Variants in FARP1 observed in about 807,000 individuals in gnomAD.
FARP1 encodes the protein FERM, ARH/RhoGEF and pleckstrin domain protein 1.
FARP1 carries 52 observed loss-of-function variants against 128.8 expected under a neutral mutation model. The ratio of observed to expected loss-of-function variants is 0.40; its 90% CI spans 0.32 to 0.51. The LOEUF (loss-of-function observed/expected upper bound fraction) is 0.51. Among genes scored for constraint, FARP1 ranks in the 20% least tolerant of loss-of-function variants. The pLI, the probability that FARP1 is intolerant of heterozygous loss-of-function variation, is 0.45. For synonymous variants in FARP1, 580 were observed against 551.8 expected, an observed-to-expected ratio of 1.05 and a Z score of -0.72; for missense variants, 1,333 against 1,367.9, an observed-to-expected ratio of 0.97 and a Z score of 0.40.
At chr13:98,157,315 CT>C (rs973091162) in intron 1 of FARP1, among the ~76,000 whole-genome samples, 10 of 152,158 alleles carry the variant, frequency 6.6e-5, no homozygotes, top group African/African-American at 2.2e-4. Context: ...CCTCTTCCCC[CT>C]GATCAGTCCC....
intron 1 of FARP1, among the ~76,000 whole-genome samples, chr13:98,153,241 TGAA>T (rs377389914): frequency 2.3e-3 from 325 of 142,840 alleles, no homozygotes; most frequent in African/African-American, 7.9e-3. Context: ...AGTGAATCTG[TGAA>T]GAAAAGTTAA....
intron 1 of FARP1, among the ~76,000 whole-genome samples, chr13:98,143,913 C>A (rs1324181360): frequency 6.6e-6 from 1 of 151,794 alleles, no homozygotes; most frequent in Non-Finnish European, 1.5e-5. Context: ...GGTTGCGGGC[C>A]GGGGAGGTGG....
chr13:98,320,979 G>A (rs1886968566), intron 2 of FARP1, among the ~76,000 whole-genome samples: 1 of 152,266 alleles, frequency 6.6e-6, no homozygotes, highest in Middle Eastern at 3.4e-3. Flanking sequence ...GGTGACCCTC[G>A]CAGGTGCCTT....
At chr13:98,344,495 C>T (rs1383662163) in intron 3 of FARP1, among the ~76,000 whole-genome samples, 1 of 152,096 alleles carries the variant, frequency 6.6e-6, no homozygotes, top group Admixed American at 6.5e-5. Flanking sequence ...CTTGAGGAGG[C>T]AGGGGCATCC....
At chr13:98,260,852 G>T (rs1242515854) in intron 2 of FARP1, among the ~76,000 whole-genome samples, 1 of 152,224 alleles carries the variant, frequency 6.6e-6, no homozygotes, top group Non-Finnish European at 1.5e-5. Context: ...TCAGGCCACA[G>T]ATAGGATACA....
At chr13:98,240,757 T>C (rs1236312941) in intron 2 of FARP1, among the ~76,000 whole-genome samples, 1 of 151,870 alleles carries the variant, frequency 6.6e-6, no homozygotes, top group African/African-American at 2.4e-5. Flanking sequence ...CCTGAGAGAG[T>C]GGGTTGGTTT....
At chr13:98,335,148 T>A (rs1887688359) in intron 2 of FARP1, among the ~76,000 whole-genome samples, 1 of 152,230 alleles carries the variant, frequency 6.6e-6, no homozygotes, top group Non-Finnish European at 1.5e-5. Flanking sequence ...TGCTAGTTCC[T>A]CTAACATGCC....
intron 2 of FARP1, among the ~76,000 whole-genome samples, chr13:98,319,500 G>T (rs1232739979): frequency 6.6e-6 from 1 of 152,092 alleles, no homozygotes. Flanking sequence ...GGCACCTGTA[G>T]TCCCAGCTAC....
intron 2 of FARP1, among the ~76,000 whole-genome samples, chr13:98,312,596 C>T (rs369683934): frequency 5.3e-5 from 8 of 152,086 alleles, no homozygotes; most frequent in Admixed American, 1.3e-4. Flanking sequence ...CCCCCCCCAC[C>T]GGAAAAGAGG....
At chr13:98,153,397 A>G (rs1473322230) in intron 1 of FARP1, among the ~76,000 whole-genome samples, 4 of 91,810 alleles carry the variant, frequency 4.4e-5, no homozygotes, top group African/African-American at 8.6e-5. Flanking sequence ...TAAATAATAC[A>G]TTATATATAA....
intron 2 of FARP1, among the ~76,000 whole-genome samples, chr13:98,299,664 T>A (rs964828): frequency 0.88 from 134,347 of 152,194 alleles, 59,369 homozygotes; most frequent in East Asian, 1. Context: ...GAATTCATAA[T>A]TTCCTTCCAT....
In FARP1 at chr13:98,424,613, T is replaced by C; in HGVS notation, c.1868T>C (p.Ile623Thr). ...GCCCAAATCAGAGATTACCAAAGAA[T>C]CGGCGATGTCATGCTGAAGAACATT... ...SNAQIRDYQR[I>T]GDVMLKNIQG... is the part of the protein sequence containing the mutation. The change falls in exon 17 of 27, where the codon ATC becomes ACC. Residue 623 changes from isoleucine (I) to threonine (T), a missense_variant. Around this residue, in one of 2 missense-constraint regions of FARP1, gnomAD observed 1,009 missense variants for 969.8 expected, o/e 1.04. Coordinates refer to ENST00000319562, the MANE Select transcript of FARP1 (RefSeq NM_005766.4). 1 of 1,613,944 alleles carries C rather than the reference T, an allele frequency of 6.2e-7. No individual in the cohort carries two copies. The highest frequency in any genetic ancestry group is 8.5e-7 in the Non-Finnish European group (1 of 1,179,842).
chr13:98,323,452 AT>A (rs142162285), intron 2 of FARP1, among the ~76,000 whole-genome samples: 22 of 144,176 alleles, frequency 1.5e-4, no homozygotes, highest in South Asian at 1.1e-3. Flanking sequence ...CAGTAGAAGT[AT>A]TTTTTTTTTC....
intron 2 of FARP1, among the ~76,000 whole-genome samples, chr13:98,246,134 A>T (rs1169110724): frequency 3.0e-5 from 3 of 99,442 alleles, no homozygotes; most frequent in Non-Finnish European, 5.4e-5. Context: ...TCTCGCTGTC[A>T]CCCAGGCTGG....
At chr13:98,419,827 C>G (rs544616625) in intron 16 of FARP1, among the ~76,000 whole-genome samples, 1 of 152,228 alleles carries the variant, frequency 6.6e-6, no homozygotes, top group East Asian at 1.9e-4. Flanking sequence ...CCCTCAAGCT[C>G]CAAGCTGCAC....
At chr13:98,207,925 C>CACACACACACAA (rs1880384213) in intron 1 of FARP1, among the ~76,000 whole-genome samples, 1 of 141,040 alleles carries the variant, frequency 7.1e-6, no homozygotes, top group African/African-American at 2.7e-5. Context: ...CACACACACA[C>CACACACACACAA]ACACACACAC....
chr13:98,344,830 CTG>C (rs1381169685), intron 3 of FARP1, among the ~76,000 whole-genome samples: 1 of 152,186 alleles, frequency 6.6e-6, no homozygotes, highest in East Asian at 1.9e-4. Flanking sequence ...TCCAAACACT[CTG>C]TCGTTTTCTA....
At chr13:98,234,747 A>C (rs1460631605) in intron 2 of FARP1, 1 of 152,228 alleles carries the variant, frequency 6.6e-6, no homozygotes, top group Non-Finnish European at 1.5e-5. Flanking sequence ...GGAAGCTCAG[A>C]GATTCTGTAG....
chr13:98,143,604 C>G (rs1185138341), intron 1 of FARP1, 112 bp downstream of exon 1: 3 of 150,794 alleles, frequency 2.0e-5, no homozygotes. Flanking sequence ...ACGGCCGCGG[C>G]TGCGGGCGAA....
Sources: gnomAD v4.1 joint callset for allele counts (sites outside exome capture counted in the v4.1 genomes callset) on GRCh38, gnomAD v4.1.1 for gene constraint, gnomAD v4.1.1 regional missense constraint, MANE v1.5 for transcripts, NCBI Gene and HGNC (gene_info 2026-07-23, HGNC 2026-07-21) for gene names.